The following UIMC1 variants were observed in gnomAD, a reference collection of about 807,000 sequenced individuals.
UIMC1 encodes BRCA1-A complex subunit RAP80.
In UIMC1, 42 loss-of-function variants were observed where a neutral mutation model predicts 84.9. The ratio of observed to expected loss-of-function variants is 0.49; its 90% CI spans 0.39 to 0.64. The LOEUF is 0.64. UIMC1 is among the 30% of genes least tolerant of loss of function. The pLI is 0.00. For missense variants in UIMC1, 825 were observed against 847.6 expected, an observed-to-expected ratio of 0.97 and a Z score of 0.33; for synonymous variants, 281 against 293.0, an observed-to-expected ratio of 0.96 and a Z score of 0.42.
intron 1 of UIMC1, 39 bp from the exon 2 acceptor site, chr5:176,982,662 G>C (rs373345823): frequency 2.2e-5 from 34 of 1,568,314 alleles, no homozygotes; most frequent in Non-Finnish European, 2.8e-5. Flanking sequence ...AGAATAAAAA[G>C]ATCATAATTT....
intron 1 of UIMC1, among the ~76,000 whole-genome samples, chr5:177,003,348 T>C (rs557553002): frequency 6.6e-6 from 1 of 152,150 alleles, no homozygotes; most frequent in East Asian, 1.9e-4. Flanking sequence ...AAAAAAGTTG[T>C]ATGGAGGATA....
chr5:176,997,414 G>T (rs932642541), intron 1 of UIMC1, among the ~76,000 whole-genome samples: 1 of 152,050 alleles, frequency 6.6e-6, no homozygotes, highest in Non-Finnish European at 1.5e-5. Flanking sequence ...GGCCGGGCAC[G>T]GTGGCTCACA....
Position 176,943,552 on chromosome 5 carries a change from G to C in UIMC1, c.1444-64C>G, listed in dbSNP as rs550969790. 126 of 1,554,680 alleles carry C rather than the reference G, an allele frequency of 8.1e-5. No homozygotes were observed. In the African/African-American group the frequency reaches 1.5e-3, roughly 18 times the overall value. On this transcript the variant is annotated intron_variant, in intron 9 of 14. Coordinates refer to ENST00000511320, the MANE Select transcript of UIMC1 (RefSeq NM_001199298.2). ...TTCATATCATTCCCTACAACGAACT[G>C]CAAGAGACTCCACCCCATATTTCAC...
In UIMC1 at chr5:176,905,326, G is replaced by C. The variant is rs371949231; in HGVS notation, c.2116C>G (p.Arg706Gly). The change falls in exon 15 of 15, where the codon CGG becomes GGG. Residue 706 changes from arginine (R) to glycine (G), a missense_variant. Coordinates refer to ENST00000511320, the MANE Select transcript of UIMC1 (RefSeq NM_001199298.2). ...CCTCTGCCAGCTTTGGTCCGTGTCC[G>C]ACTACCTGGCTGGACAGTAACTTGC... is the stretch of plus-strand genomic sequence containing the variant. ...KKQVTVQPGSRTRTKAGRGRR... is the reference protein window; with the variant it reads ...KKQVTVQPGSGTRTKAGRGRR... 1.9e-6 allele frequency: 3 copies of C among 1,614,024 alleles called. No individual in the cohort carries two copies. Among genetic ancestry groups the C allele is most frequent in the South Asian group, 2.2e-5 (2 of 91,072 alleles).
Position 176,970,872 on chromosome 5 carries a change from AGAG to A in UIMC1, c.233-9_233-7del, listed in dbSNP as rs1297987804. The A allele has an allele frequency of 1.7e-5, 28 of 1,613,332 alleles. No individual in the cohort carries two copies. The highest frequency in any genetic ancestry group is 2.3e-5 in the Non-Finnish European group (27 of 1,179,832). On this transcript the variant is annotated splice_region_variant and splice_polypyrimidine_tract_variant and intron_variant, in intron 3 of 14. Transcript: ENST00000511320. ...CTGTTCTTCTTCTGTCATCTCTGTA[AGAG>A]GATAGGGAAAAGAGAAGGAGGAACA... is the stretch of plus-strand genomic sequence containing the variant.
At chr5:177,002,311 A>G (rs957499104) in intron 1 of UIMC1, among the ~76,000 whole-genome samples, 2 of 151,940 alleles carry the variant, frequency 1.3e-5, no homozygotes. Context: ...AATAAAAAAT[A>G]AAACAATTAA....
intron 9 of UIMC1, among the ~76,000 whole-genome samples, chr5:176,947,584 C>G (rs1026040589): frequency 3.9e-5 from 6 of 151,936 alleles, no homozygotes; most frequent in Non-Finnish European, 8.8e-5. Flanking sequence ...TTTGGGAGGC[C>G]AAGGCGGGTG....
chr5:176,928,797 A>C (rs907325613), intron 10 of UIMC1, among the ~76,000 whole-genome samples: 1 of 151,968 alleles, frequency 6.6e-6, no homozygotes, highest in Non-Finnish European at 1.5e-5. Flanking sequence ...TAAAAATACA[A>C]AAAATTAGCT....
rs760544730 is a variant in UIMC1 at position 176,969,298 on chromosome 5, G to A, written c.464-7C>T. ...GGTACCAGCTGCCATATGCCTGTAGGTATTTGAGAAAAAGTAGGGCTAAGG... is the reference window on the plus strand; with the variant it reads ...GGTACCAGCTGCCATATGCCTGTAGATATTTGAGAAAAAGTAGGGCTAAGG... On this transcript the variant is annotated splice_region_variant and splice_polypyrimidine_tract_variant and intron_variant, in intron 5 of 14. Transcript: ENST00000511320. 3.1e-6 allele frequency: 5 copies of A among 1,591,314 alleles called. No individual in the cohort carries two copies. The highest frequency in any genetic ancestry group is 1.4e-5 in the African/African-American group (1 of 73,452).
In UIMC1 at chr5:176,984,069, C is replaced by T. The variant is rs867275569; in HGVS notation, c.-8-1446G>A. On this transcript the variant is annotated intron_variant, in intron 1 of 14. Transcript: ENST00000511320. ...CTGGGAAGTGAGGAGTGCCTCTGCC[C>T]GGCCGCCCCGTCTGGGAAGTGAGGA... Among the ~76,000 whole-genome samples, 65 of 135,826 alleles carry T rather than the reference C, an allele frequency of 4.8e-4. 1 individual carries two copies. The highest frequency in any genetic ancestry group is 1.7e-3 in the African/African-American group (58 of 35,082). 89.1% of individuals were successfully genotyped at this position (135,826 alleles called of 152,430 possible). A position where few individuals can be genotyped will look rare whatever the true frequency, so the allele number is the denominator to read the frequency against.
chr5:176,940,452 T>C (rs893631525), intron 10 of UIMC1, among the ~76,000 whole-genome samples: 2 of 152,210 alleles, frequency 1.3e-5, no homozygotes, highest in Non-Finnish European at 2.9e-5. Flanking sequence ...TGATGTTGTA[T>C]TGAATAAGTC....
chr5:176,915,792 G>GAAAAAAAAA (rs1760899577), intron 10 of UIMC1, among the ~76,000 whole-genome samples: 1 of 17,370 alleles, frequency 5.8e-5, no homozygotes, highest in Non-Finnish European at 1.2e-4. Flanking sequence ...AGGTCACAAA[G>GAAAAAAAAA]CAAAAAAAAA....
At chr5:176,987,354 T>C (rs142635021) in intron 1 of UIMC1, among the ~76,000 whole-genome samples, 230 of 151,814 alleles carry the variant, frequency 1.5e-3, no homozygotes, top group African/African-American at 5.2e-3. Flanking sequence ...ATTTTAAAAA[T>C]TATATTTCTG....
At chr5:176,992,248 GT>G (rs891940557) in intron 1 of UIMC1, among the ~76,000 whole-genome samples, 2 of 152,056 alleles carry the variant, frequency 1.3e-5, no homozygotes, top group Non-Finnish European at 2.9e-5. Context: ...TGTAAAATTG[GT>G]TTTTTCTGTA....
chr5:176,918,852 C>G (rs963801055), intron 10 of UIMC1, among the ~76,000 whole-genome samples: 1 of 152,198 alleles, frequency 6.6e-6, no homozygotes, highest in African/African-American at 2.4e-5. Flanking sequence ...AGCCCTCCTA[C>G]TTATTAGGTG....
chr5:176,940,438 A>AC, intron 10 of UIMC1, among the ~76,000 whole-genome samples: 1 of 152,234 alleles, frequency 6.6e-6, no homozygotes, highest in African/African-American at 2.4e-5. Context: ...TTATTTCTGG[A>AC]CCTTGATGTT....
intron 6 of UIMC1, among the ~76,000 whole-genome samples, chr5:176,964,670 AC>A (rs1395318481): frequency 1.3e-5 from 2 of 152,228 alleles, no homozygotes; most frequent in African/African-American, 4.8e-5. Flanking sequence ...TCTGAACCAT[AC>A]AAAAAATAGG....
At chr5:176,940,072 A>C (rs936776008) in intron 10 of UIMC1, among the ~76,000 whole-genome samples, 1 of 152,196 alleles carries the variant, frequency 6.6e-6, no homozygotes, top group Admixed American at 6.5e-5. Context: ...GATAAGACTC[A>C]GTCTATTTTG....
chr5:176,995,794 G>C (rs1773519255), intron 1 of UIMC1, among the ~76,000 whole-genome samples: 1 of 129,240 alleles, frequency 7.7e-6, no homozygotes, highest in South Asian at 2.4e-4. Context: ...GGTGAGCCGA[G>C]ATCATGCCAT....
Sources: gnomAD v4.1 joint callset for allele counts (sites outside exome capture counted in the v4.1 genomes callset) on GRCh38, gnomAD v4.1.1 for gene constraint, MANE v1.5 for transcripts, NCBI Gene and HGNC (gene_info 2026-07-23, HGNC 2026-07-21) for gene names.